The following GULP1 variants were observed in gnomAD, a reference collection of about 807,000 sequenced individuals.
GULP1 encodes the protein GULP PTB domain containing engulfment adaptor 1, also known as PTB domain-containing engulfment adapter protein 1.
GULP1 carries 19 observed loss-of-function variants against 40.9 expected under a neutral mutation model. The observed-to-expected ratio is 0.46, with a 90% CI of 0.32 to 0.68. GULP1 has a LOEUF of 0.68. Among genes scored for constraint, GULP1 ranks in the 30% least tolerant of loss-of-function variants. GULP1 has a pLI of 0.03. For missense variants in GULP1, 312 were observed against 362.2 expected, an observed-to-expected ratio of 0.86 and a Z score of 1.12; for synonymous variants, 119 against 117.6, an observed-to-expected ratio of 1.01 and a Z score of -0.08.
chr2:188,458,709 A>T (rs762720327), intron 2 of GULP1, among the ~76,000 whole-genome samples: 36 of 152,142 alleles, frequency 2.4e-4, no homozygotes, highest in Non-Finnish European at 4.7e-4. Context: ...CTATTTAACA[A>T]AATTAACTTA....
chr2:188,311,625 A>G (rs1381215761), intron 1 of GULP1, among the ~76,000 whole-genome samples: 6 of 151,848 alleles, frequency 4.0e-5, no homozygotes, highest in Non-Finnish European at 7.4e-5. Context: ...TCCAATTTTA[A>G]CAAAATTGAT....
chr2:188,313,378 A>G (rs1434474075), intron 1 of GULP1, among the ~76,000 whole-genome samples: 1 of 151,952 alleles, frequency 6.6e-6, no homozygotes, highest in Non-Finnish European at 1.5e-5. Context: ...GAGATCCCTT[A>G]CCCATTGGTT....
chr2:188,462,977 T>G (rs927523537), intron 2 of GULP1, among the ~76,000 whole-genome samples: 1 of 152,170 alleles, frequency 6.6e-6, no homozygotes, highest in Admixed American at 6.5e-5. Flanking sequence ...TGTTCCATTT[T>G]TCTTGAAAAG....
chr2:188,369,307 C>G (rs1352235708), intron 1 of GULP1, among the ~76,000 whole-genome samples: 1 of 151,676 alleles, frequency 6.6e-6, no homozygotes, highest in Non-Finnish European at 1.5e-5. Flanking sequence ...AAGTTTTGTT[C>G]ATTCATCATT....
chr2:188,522,103 C>CA (rs933771761), intron 4 of GULP1, among the ~76,000 whole-genome samples: 3 of 151,902 alleles, frequency 2.0e-5, no homozygotes, highest in Non-Finnish European at 2.9e-5. Context: ...AAAACAAAAC[C>CA]AAAAAACAGT....
At chr2:188,549,297 A>G (rs970381403) in intron 7 of GULP1, among the ~76,000 whole-genome samples, 1 of 151,884 alleles carries the variant, frequency 6.6e-6, no homozygotes, top group Non-Finnish European at 1.5e-5. Context: ...ATCATTCAAC[A>G]CTCAACAATA....
chr2:188,477,094 A>G (rs748818394), intron 2 of GULP1, among the ~76,000 whole-genome samples: 1 of 152,140 alleles, frequency 6.6e-6, no homozygotes, highest in Non-Finnish European at 1.5e-5. Context: ...TTTAGATCCC[A>G]TGCTATATCT....
intron 2 of GULP1, among the ~76,000 whole-genome samples, chr2:188,397,646 C>G (rs1412182034): frequency 1.3e-5 from 2 of 152,148 alleles, no homozygotes; most frequent in African/African-American, 4.8e-5. Flanking sequence ...TCTCACAGTT[C>G]CTGTGGACCA....
rs192658983 is a variant in GULP1 at position 188,467,656 on chromosome 2, C to T, written c.-44-10003C>T. Among the ~76,000 whole-genome samples the T allele has an allele frequency of 8.7e-3, 1,328 of 152,196 alleles. 5 individuals are homozygous for T. The highest frequency in any genetic ancestry group is 0.014 in the Non-Finnish European group (972 of 67,974). The stretch of plus-strand genomic sequence containing the variant: ...AAAATCTCAGCTATTATATTTCCTA[C>T]TAATATTTTCCATGTGGTTCACTTA... On this transcript the variant is annotated intron_variant, in intron 2 of 11. Transcript: ENST00000409830.
chr2:188,454,998 G>C (rs188462630), intron 2 of GULP1, among the ~76,000 whole-genome samples: 1 of 151,956 alleles, frequency 6.6e-6, no homozygotes, highest in Admixed American at 6.6e-5. Flanking sequence ...CAGGTATGAG[G>C]GTATGCTCCT....
At chr2:188,508,040 A>G (rs2064114172) in intron 4 of GULP1, among the ~76,000 whole-genome samples, 1 of 152,032 alleles carries the variant, frequency 6.6e-6, no homozygotes, top group African/African-American at 2.4e-5. Flanking sequence ...CAGTTCCAAT[A>G]AAATCATAAA....
intron 1 of GULP1, among the ~76,000 whole-genome samples, chr2:188,337,299 C>T (rs1469276422): frequency 6.6e-6 from 1 of 151,718 alleles, no homozygotes; most frequent in Non-Finnish European, 1.5e-5. Context: ...CCACCACGCC[C>T]AGCTAGTTTT....
At chr2:188,339,958 T>C (rs1031594585) in intron 1 of GULP1, among the ~76,000 whole-genome samples, 5 of 152,204 alleles carry the variant, frequency 3.3e-5, no homozygotes, top group African/African-American at 9.6e-5. Flanking sequence ...ACTGTTCACT[T>C]GTTGAGTATT....
intron 1 of GULP1, among the ~76,000 whole-genome samples, chr2:188,314,279 A>G (rs997435465): frequency 1.7e-4 from 26 of 152,264 alleles, no homozygotes; most frequent in African/African-American, 6.3e-4. Context: ...ACAGTAGGGG[A>G]ATTGTCTCTG....
intron 9 of GULP1, among the ~76,000 whole-genome samples, chr2:188,580,324 C>T (rs373884714): frequency 0.016 from 2,464 of 152,066 alleles, 75 homozygotes; most frequent in African/African-American, 0.055. Context: ...GAGGCCGAGG[C>T]GGGCGGATCA....
intron 2 of GULP1, among the ~76,000 whole-genome samples, chr2:188,409,812 G>A (rs968730242): frequency 4.2e-4 from 64 of 152,194 alleles, no homozygotes; most frequent in African/African-American, 3.9e-4. Context: ...CAACATATAC[G>A]CATGTAATAA....
At chr2:188,320,019 C>T (rs2039729132) in intron 1 of GULP1, among the ~76,000 whole-genome samples, 1 of 152,004 alleles carries the variant, frequency 6.6e-6, no homozygotes, top group African/African-American at 2.4e-5. Context: ...AAGCAACATC[C>T]CTGGCCTCTA....
intron 1 of GULP1, among the ~76,000 whole-genome samples, chr2:188,346,532 G>A (rs954247004): frequency 6.7e-6 from 1 of 149,838 alleles, no homozygotes; most frequent in African/African-American, 2.5e-5. Flanking sequence ...TTGCTCTGTT[G>A]CCCAGGCTGG....
chr2:188,390,508 A>G (rs975712587), intron 2 of GULP1, among the ~76,000 whole-genome samples: 7 of 151,800 alleles, frequency 4.6e-5, no homozygotes, highest in African/African-American at 1.7e-4. Context: ...TGGATTTTGG[A>G]TATTTGTCCA....
Sources: allele counts gnomAD v4.1 joint callset (sites outside exome capture counted in the v4.1 genomes callset), GRCh38; gene constraint gnomAD v4.1.1; transcripts MANE v1.5; gene names NCBI Gene and HGNC (gene_info 2026-07-23, HGNC 2026-07-21).